POC1B: variants seen among roughly 807,000 people sequenced by gnomAD.
The protein encoded by POC1B is POC1 centriolar protein B, also known as POC1 centriolar protein homolog B.
In POC1B, 44 loss-of-function variants were observed where a neutral mutation model predicts 60.6. That is an observed-to-expected ratio of 0.73 (90% CI 0.57 to 0.93). The LOEUF (loss-of-function observed/expected upper bound fraction) is 0.93, where lower values mean the gene tolerates loss of function less well. Among genes scored for constraint, POC1B ranks in the 40% least tolerant of loss-of-function variants. The pLI is 0.00. For missense variants in POC1B, 555 were observed against 572.3 expected (o/e 0.97, Z 0.31); for synonymous variants, 180 against 198.9 (o/e 0.90, Z 0.80).
At chr12:89,472,066 C>G in intron 5 of POC1B, 102 bp downstream of exon 5, 1 of 846,980 alleles carries the variant, frequency 1.2e-6, no homozygotes. Flanking sequence ...CTGCACCCGG[C>G]CATATTTCAA....
the POC1B span, among the ~76,000 whole-genome samples, chr12:89,407,148 C>CAA: frequency 6.0e-3 from 377 of 63,042 alleles, 1 homozygote; most frequent in Middle Eastern, 0.013. Flanking sequence ...GACTCCGTCT[C>CAA]AAAAAAAAAA....
chr12:89,451,007 C>T (rs1460349332), intron 10 of POC1B, among the ~76,000 whole-genome samples: 1 of 152,106 alleles, frequency 6.6e-6, no homozygotes, highest in African/African-American at 2.4e-5. Flanking sequence ...AACTAGCTCC[C>T]TAGAGTTGGG....
chr12:89,525,365 G>T, intron 1 of POC1B, 161 bp from the exon 2 acceptor site: 1 of 1,426,176 alleles, frequency 7.0e-7, no homozygotes, highest in Non-Finnish European at 9.1e-7. Context: ...CCACGGGCGC[G>T]GCGCCCAGTC....
chr12:89,481,061 AATTGTTAGGGC>A (rs1868352538), intron 4 of POC1B, among the ~76,000 whole-genome samples: 1 of 109,286 alleles, frequency 9.2e-6, no homozygotes, highest in African/African-American at 3.2e-5. Context: ...GTTAGGGCCT[AATTGTTAGGGC>A]CATGTTGGCC....
intron 9 of POC1B, among the ~76,000 whole-genome samples, chr12:89,464,574 G>A (rs1384213479): frequency 1.6e-5 from 2 of 124,764 alleles, no homozygotes; most frequent in Non-Finnish European, 1.6e-5. Flanking sequence ...TACAACCTCC[G>A]CCTCCCAGGT....
chr12:89,507,626 T>A (rs1313444324), intron 2 of POC1B, among the ~76,000 whole-genome samples: 5 of 152,214 alleles, frequency 3.3e-5, no homozygotes, highest in Admixed American at 3.3e-4. Flanking sequence ...ATAACAATAA[T>A]CCATTGTTTC....
At chr12:89,462,141 T>A (rs148033450) in intron 9 of POC1B, among the ~76,000 whole-genome samples, 19 of 152,266 alleles carry the variant, frequency 1.2e-4, no homozygotes, top group African/African-American at 3.9e-4. Context: ...CTGCGTAAGT[T>A]GCTGCCACAT....
At position 89,526,028 on chromosome 12, in the gene POC1B, A is replaced by T; in HGVS notation, c.-133T>A. 6.5e-7 allele frequency: 1 copy of T among 1,536,194 alleles called. No homozygotes were observed. ...AGAGCGGCAGCGCCTCCCGGTCACT[A>T]CAACAACGGCGGCCCAGTCAAACCC... On this transcript the variant is annotated 5_prime_UTR_variant, in exon 1 of 12. Transcript: ENST00000313546.
the POC1B span, among the ~76,000 whole-genome samples, chr12:89,403,582 A>G: frequency 0.036 from 5,479 of 152,056 alleles, 286 homozygotes; most frequent in East Asian, 0.19. Context: ...TAGACTTTTG[A>G]GACTCCTCTG....
chr12:89,479,178 G>A (rs957783246), intron 4 of POC1B, among the ~76,000 whole-genome samples: 2 of 151,998 alleles, frequency 1.3e-5, no homozygotes, highest in African/African-American at 4.8e-5. Flanking sequence ...TCATGCATAG[G>A]TCTTTTATAA....
At chr12:89,458,394 G>A (rs1882342917) in intron 10 of POC1B, among the ~76,000 whole-genome samples, 1 of 152,208 alleles carries the variant, frequency 6.6e-6, no homozygotes, top group Non-Finnish European at 1.5e-5. Context: ...AATGCTGCTA[G>A]AGTTATAAAC....
intron 2 of POC1B, among the ~76,000 whole-genome samples, chr12:89,511,777 C>T (rs961213089): frequency 5.3e-5 from 8 of 152,038 alleles, no homozygotes; most frequent in Non-Finnish European, 1.0e-4. Context: ...GTAGATGGGG[C>T]CTGGCATAAT....
At chr12:89,520,572 G>C (rs916759466) in intron 2 of POC1B, 1 of 152,144 alleles carries the variant, frequency 6.6e-6, no homozygotes, top group Non-Finnish European at 1.5e-5. Context: ...ACAATTTTTT[G>C]ATAAACTTTA....
At chr12:89,478,407 C>G (rs1883200268) in intron 4 of POC1B, among the ~76,000 whole-genome samples, 1 of 152,152 alleles carries the variant, frequency 6.6e-6, no homozygotes. Flanking sequence ...GCGTTAAACA[C>G]CACGCCTGGC....
intron 2 of POC1B, chr12:89,520,937 T>C (rs1870798577): frequency 6.6e-6 from 1 of 152,150 alleles, no homozygotes; most frequent in Non-Finnish European, 1.5e-5. Flanking sequence ...AGTAATTTAG[T>C]TTGGAAATAT....
Position 89,516,293 on chromosome 12 carries a change from T to G in POC1B, c.100+8827A>C, listed in dbSNP as rs114082549. On this transcript the variant is annotated intron_variant, in intron 2 of 11. Transcript: ENST00000313546. ...TGATCTACAGGTTGGATATCTTCAATATTCAGACATGGGGTATTTGTTCTC... is the reference window on the plus strand; with the variant it reads ...TGATCTACAGGTTGGATATCTTCAAGATTCAGACATGGGGTATTTGTTCTC... Among the ~76,000 whole-genome samples, 528 of 152,340 alleles carry G rather than the reference T, an allele frequency of 3.5e-3. 5 individuals carry two copies. Among genetic ancestry groups the G allele is most frequent in the African/African-American group, 0.012 (494 of 41,572 alleles).
At chr12:89,464,437 T>G (rs1205723269) in intron 9 of POC1B, among the ~76,000 whole-genome samples, 1 of 151,886 alleles carries the variant, frequency 6.6e-6, no homozygotes, top group Non-Finnish European at 1.5e-5. Context: ...AATACTAAAG[T>G]TGTTCCCTGT....
At chr12:89,501,308 T>A (rs1363207302) in intron 2 of POC1B, 1 of 1,007,840 alleles carries the variant, frequency 9.9e-7, no homozygotes, top group Non-Finnish European at 1.6e-6. Context: ...AAATATGAAA[T>A]GTATTCCAAG....
intron 3 of POC1B, among the ~76,000 whole-genome samples, chr12:89,494,180 T>C (rs1869125594): frequency 6.6e-6 from 1 of 152,108 alleles, no homozygotes; most frequent in African/African-American, 2.4e-5. Flanking sequence ...GCTAGGACTA[T>C]AGGTGTGCAT....
Sources: allele counts gnomAD v4.1 joint callset (sites outside exome capture counted in the v4.1 genomes callset), GRCh38; gene constraint gnomAD v4.1.1; transcripts MANE v1.5; gene names NCBI Gene and HGNC (gene_info 2026-07-23, HGNC 2026-07-21).